Variants in ARHGEF3 observed in about 807,000 individuals in gnomAD.
ARHGEF3 encodes 59.8 kDA protein.
A neutral mutation model predicts 63.2 loss-of-function variants in ARHGEF3; 28 were observed. The ratio of observed to expected loss-of-function variants is 0.44; its 90% CI spans 0.33 to 0.61. ARHGEF3 has a LOEUF of 0.61. Ranked by LOEUF, ARHGEF3 falls within the 20% of genes least tolerant of loss-of-function variation. ARHGEF3 has a pLI of 0.03. For synonymous variants in ARHGEF3, 266 were observed against 254.2 expected, an observed-to-expected ratio of 1.05 and a Z score of -0.44; for missense variants, 533 against 659.3, an observed-to-expected ratio of 0.81 and a Z score of 2.10.
chr3:56,769,778 GA>G (rs879780700), intron 2 of ARHGEF3, among the ~76,000 whole-genome samples: 9 of 152,166 alleles, frequency 5.9e-5, no homozygotes, highest in Non-Finnish European at 1.3e-4. Context: ...ATAATTAAAA[GA>G]ATCCAACCTG....
intron 3 of ARHGEF3, among the ~76,000 whole-genome samples, chr3:56,945,707 G>T (rs1049645124): frequency 6.6e-6 from 1 of 152,222 alleles, no homozygotes; most frequent in Non-Finnish European, 1.5e-5. Flanking sequence ...TAGGGGCAGG[G>T]CATAGCCAAA....
At chr3:56,830,054 G>C (rs2038875041) in intron 4 of ARHGEF3, among the ~76,000 whole-genome samples, 1 of 152,250 alleles carries the variant, frequency 6.6e-6, no homozygotes, top group African/African-American at 2.4e-5. Flanking sequence ...GAGATACAGA[G>C]AGGAGGTGTA....
At chr3:56,860,049 T>TAGAC (rs2040019095) in intron 4 of ARHGEF3, among the ~76,000 whole-genome samples, 1 of 151,392 alleles carries the variant, frequency 6.6e-6, no homozygotes, top group Non-Finnish European at 1.5e-5. Flanking sequence ...GAGAGATAGA[T>TAGAC]AGATAGATAG....
At chr3:56,767,578 C>T (rs376276902) in intron 2 of ARHGEF3, among the ~76,000 whole-genome samples, 33 of 76,962 alleles carry the variant, frequency 4.3e-4, no homozygotes, top group African/African-American at 1.4e-3. Context: ...AGCGAGACTC[C>T]GTCTCAAAAA....
chr3:56,776,273 G>T (rs1382188765), intron 1 of ARHGEF3, among the ~76,000 whole-genome samples: 3 of 152,180 alleles, frequency 2.0e-5, no homozygotes, highest in Admixed American at 6.5e-5. Context: ...CTCTCTGAAG[G>T]TTGAGTGCAG....
chr3:57,061,070 C>T (rs2107346611), intron 1 of ARHGEF3, among the ~76,000 whole-genome samples: 1 of 152,228 alleles, frequency 6.6e-6, no homozygotes, highest in Middle Eastern at 3.4e-3. Context: ...TACCATTATC[C>T]ATTTCCAGAA....
At chr3:56,748,395 A>G (rs2107745842) in intron 6 of ARHGEF3, among the ~76,000 whole-genome samples, 1 of 152,296 alleles carries the variant, frequency 6.6e-6, no homozygotes, top group South Asian at 2.1e-4. Context: ...AGCTGGAGAC[A>G]AAACGAGAGT....
intron 3 of ARHGEF3, chr3:56,939,739 G>A (rs959603552): frequency 1.3e-5 from 2 of 152,224 alleles, no homozygotes; most frequent in African/African-American, 4.8e-5. Context: ...AAGAAGAGGA[G>A]TTAGGAGTTT....
chr3:56,792,996 T>TTG (rs1437964824), intron 1 of ARHGEF3, among the ~76,000 whole-genome samples: 78 of 137,170 alleles, frequency 5.7e-4, no homozygotes, highest in African/African-American at 2.0e-3. Flanking sequence ...CATTGGGTTT[T>TTG]TTTTTTTTTT....
intron 3 of ARHGEF3, among the ~76,000 whole-genome samples, chr3:56,924,408 G>A (rs1400081597): frequency 6.6e-6 from 1 of 152,158 alleles, no homozygotes; most frequent in African/African-American, 2.4e-5. Flanking sequence ...ACAGGAAAGG[G>A]GTCCTGATCC....
At chr3:56,764,397 G>T (rs1172258546) in intron 2 of ARHGEF3, among the ~76,000 whole-genome samples, 1 of 152,160 alleles carries the variant, frequency 6.6e-6, no homozygotes, top group African/African-American at 2.4e-5. Flanking sequence ...ACAGCAGTGA[G>T]GTGGGATGCT....
At chr3:56,828,395 G>A (rs1190939069) in intron 4 of ARHGEF3, among the ~76,000 whole-genome samples, 2 of 152,026 alleles carry the variant, frequency 1.3e-5, no homozygotes, top group African/African-American at 2.4e-5. Context: ...TTAGCCAGGC[G>A]CAGTGGCAGG....
rs763452788 is a variant in ARHGEF3 at position 56,729,473 on chromosome 3, C to T, written c.1378G>A (p.Val460Met). Residue 460 changes from valine to methionine, a missense_variant, in exon 10 of 10, where the codon GTG becomes ATG. This residue lies in a region of ARHGEF3 where 115 missense variants were observed against 103.4 expected (regional missense o/e 1.11). Transcript: ENST00000296315. ...TVLCAAGQAG[V>M]LDSEGSFLNP... The stretch of plus-strand genomic sequence containing the variant: ...AGGAACGATCCCTCGGAGTCAAGCA[C>T]CCCAGCTTGCCCGGCAGCACACAAA... The T allele has an allele frequency of 4.3e-6, 7 of 1,614,174 alleles. No homozygotes were observed. The South Asian group carries it at 6.6e-5, about 15-fold the overall frequency.
At chr3:56,911,598 G>A (rs1305807433) in intron 3 of ARHGEF3, among the ~76,000 whole-genome samples, 3 of 152,066 alleles carry the variant, frequency 2.0e-5, no homozygotes, top group Admixed American at 2.0e-4. Flanking sequence ...GGCCTTTTTA[G>A]GATCTAGTTT....
chr3:56,739,499 C>A (rs899873902), intron 7 of ARHGEF3, among the ~76,000 whole-genome samples: 1 of 150,360 alleles, frequency 6.7e-6, no homozygotes, highest in Non-Finnish European at 1.5e-5. Flanking sequence ...CTCTTGGGCT[C>A]AAGTGATCCT....
chr3:56,788,329 C>T (rs2036923950), intron 1 of ARHGEF3, among the ~76,000 whole-genome samples: 1 of 152,190 alleles, frequency 6.6e-6, no homozygotes, highest in Non-Finnish European at 1.5e-5. Flanking sequence ...GGTTGACAGT[C>T]ACTACCCGTA....
At chr3:56,873,569 T>A (rs1359982983) in intron 4 of ARHGEF3, among the ~76,000 whole-genome samples, 1 of 152,162 alleles carries the variant, frequency 6.6e-6, no homozygotes, top group Non-Finnish European at 1.5e-5. Context: ...CATTCTTTTT[T>A]AATGGCTACA....
chr3:56,925,419 T>C (rs2042250092), intron 3 of ARHGEF3, among the ~76,000 whole-genome samples: 1 of 152,196 alleles, frequency 6.6e-6, no homozygotes, highest in Non-Finnish European at 1.5e-5. Flanking sequence ...CACAGGAGGC[T>C]TCCCTGACCA....
intron 4 of ARHGEF3, among the ~76,000 whole-genome samples, chr3:56,811,352 A>G (rs2038055913): frequency 6.6e-6 from 1 of 152,108 alleles, no homozygotes; most frequent in South Asian, 2.1e-4. Context: ...GTTTACTTGA[A>G]AAAAGACCTA....
Sources: allele counts gnomAD v4.1 joint callset (sites outside exome capture counted in the v4.1 genomes callset), GRCh38; gene constraint gnomAD v4.1.1; regional missense constraint gnomAD v4.1.1; transcripts MANE v1.5; gene names NCBI Gene and HGNC (gene_info 2026-07-23, HGNC 2026-07-21).